ANK1: variants seen among roughly 807,000 people sequenced by gnomAD.
The protein encoded by ANK1 is ankyrin 1.
A neutral mutation model predicts 210.4 loss-of-function variants in ANK1; 51 were observed. That is an observed-to-expected ratio of 0.24 (90% confidence interval 0.19 to 0.31). The LOEUF (loss-of-function observed/expected upper bound fraction) is 0.31. Among genes scored for constraint, ANK1 ranks in the 10% least tolerant of loss-of-function variants. ANK1 has a pLI of 1.00. For missense variants in ANK1, 2,051 were observed against 2,504.4 expected (o/e 0.82, Z 3.86); for synonymous variants, 967 against 1,025.9 (o/e 0.94, Z 1.10).
At chr8:41,738,350 C>A (rs181651241) in intron 2 of ANK1, among the ~76,000 whole-genome samples, 4 of 152,166 alleles carry the variant, frequency 2.6e-5, no homozygotes, top group African/African-American at 9.7e-5. Flanking sequence ...GGTCTTAGTA[C>A]GTAGATGGCT....
intron 1 of ANK1, among the ~76,000 whole-genome samples, chr8:41,792,322 C>T (rs1343398525): frequency 2.0e-5 from 3 of 152,316 alleles, no homozygotes; most frequent in Middle Eastern, 3.4e-3. Flanking sequence ...TGAGAAACCT[C>T]GTCCGGCAGG....
At chr8:41,759,199 C>T (rs1454785165) in intron 1 of ANK1, among the ~76,000 whole-genome samples, 1 of 152,066 alleles carries the variant, frequency 6.6e-6, no homozygotes, top group Non-Finnish European at 1.5e-5. Context: ...AATAACAATA[C>T]TAAAATAAAA....
chr8:41,760,797 A>G (rs1840212865), intron 1 of ANK1, among the ~76,000 whole-genome samples: 1 of 152,180 alleles, frequency 6.6e-6, no homozygotes, highest in African/African-American at 2.4e-5. Flanking sequence ...GAGTGGTCAT[A>G]TGACAAGCCA....
At chr8:41,845,610 C>T (rs2150807927) in intron 1 of ANK1, among the ~76,000 whole-genome samples, 1 of 152,104 alleles carries the variant, frequency 6.6e-6, no homozygotes, top group South Asian at 2.1e-4. Context: ...TGACTCACTC[C>T]CTTCCTGCTG....
chr8:41,701,426 T>C (rs957958250), intron 22 of ANK1, 124 bp downstream of exon 22: 1 of 811,678 alleles, frequency 1.2e-6, no homozygotes, highest in Middle Eastern at 2.5e-4. Flanking sequence ...CCAGTTTCAG[T>C]GTCCATCTAT....
At chr8:41,789,997 C>T (rs1047204223) in intron 1 of ANK1, among the ~76,000 whole-genome samples, 1 of 152,168 alleles carries the variant, frequency 6.6e-6, no homozygotes, top group African/African-American at 2.4e-5. Context: ...CTGGATGACA[C>T]GTTTGTGAAG....
intron 2 of ANK1, among the ~76,000 whole-genome samples, chr8:41,736,467 C>T (rs531045996): frequency 1.3e-5 from 2 of 152,338 alleles, no homozygotes; most frequent in South Asian, 2.1e-4. Flanking sequence ...GTGCTGACAG[C>T]GGATGCCCTG....
chr8:41,803,167 AAGAG>A (rs1048992535), intron 1 of ANK1, among the ~76,000 whole-genome samples: 7 of 150,012 alleles, frequency 4.7e-5, no homozygotes, highest in Non-Finnish European at 7.4e-5. Context: ...AAAAGAGAAA[AAGAG>A]AGGGAGGGAG....
rs571717279 is a variant in ANK1 at position 41,682,707 on chromosome 8, T to G, written c.4537+1837A>C. Among the ~76,000 whole-genome samples, 5 of 152,332 alleles carry G rather than the reference T, an allele frequency of 3.3e-5. No homozygotes were observed. In the South Asian group the frequency reaches 1.0e-3, roughly 32 times the overall value. On this transcript the variant is annotated intron_variant, in intron 37 of 42. Coordinates refer to ENST00000289734, the MANE Select transcript of ANK1 (RefSeq NM_000037.4). ...AGATGCTCACAGATGCCCAGGTCTGTAACTGTGAATATTCACACTCATGTG... is the reference window on the plus strand; with the variant it reads ...AGATGCTCACAGATGCCCAGGTCTGGAACTGTGAATATTCACACTCATGTG...
intron 15 of ANK1, 148 bp downstream of exon 15, chr8:41,714,828 C>G (rs919355839): frequency 1.7e-5 from 14 of 830,502 alleles, no homozygotes; most frequent in Non-Finnish European, 2.4e-5. Context: ...CCACTGCACT[C>G]CAGCCTGGGC....
intron 13 of ANK1, among the ~76,000 whole-genome samples, chr8:41,716,481 C>T (rs1158006835): frequency 6.6e-6 from 1 of 152,090 alleles, no homozygotes; most frequent in African/African-American, 2.4e-5. Context: ...GAGAACCCAT[C>T]GTGGCCTGTG....
intron 1 of ANK1, among the ~76,000 whole-genome samples, chr8:41,774,771 A>T (rs1238017787): frequency 6.6e-6 from 1 of 152,264 alleles, no homozygotes. Context: ...GCCGCAGAGC[A>T]TGCCACATTT....
chr8:41,785,843 G>A lies in ANK1; in HGVS notation c.27+11669C>T, dbSNP rs141327292. On this transcript the variant is annotated intron_variant, in intron 1 of 42. Transcript: ENST00000289734. ...GCTTTCCAGACCCTTTAAACACCCT[G>A]GCGGAGCCTTGCTCGGCCCTTCTGG... Among the ~76,000 whole-genome samples the A allele has an allele frequency of 9.2e-5, 14 of 152,300 alleles. No homozygotes were observed. The East Asian group carries it at 2.3e-3, about 25-fold the overall frequency.
chr8:41,790,410 G>C (rs148114680), intron 1 of ANK1, among the ~76,000 whole-genome samples: 1 of 152,118 alleles, frequency 6.6e-6, no homozygotes, highest in Non-Finnish European at 1.5e-5. Context: ...GCCTCCCAAA[G>C]TGCTGGGATT....
chr8:41,728,054 G>A (rs1831177971), intron 3 of ANK1, 48 bp from the exon 4 acceptor site: 2 of 1,585,478 alleles, frequency 1.3e-6, no homozygotes, highest in South Asian at 1.1e-5. Flanking sequence ...CACTGGGCCC[G>A]CTACGGGACC....
At chr8:41,831,914 G>A (rs761396573) in intron 1 of ANK1, among the ~76,000 whole-genome samples, 31 of 152,238 alleles carry the variant, frequency 2.0e-4, no homozygotes, top group African/African-American at 6.0e-4. Context: ...GCTGCTACAC[G>A]GATGCAAGGC....
intron 1 of ANK1, among the ~76,000 whole-genome samples, chr8:41,808,763 T>G (rs1851350502): frequency 6.6e-6 from 1 of 152,204 alleles, no homozygotes; most frequent in South Asian, 2.1e-4. Flanking sequence ...TTCCTAAATT[T>G]TTTTTGCTAA....
chr8:41,790,663 G>A (rs11995745), intron 1 of ANK1, among the ~76,000 whole-genome samples: 16,764 of 151,814 alleles, frequency 0.11, 1,598 homozygotes, highest in African/African-American at 0.26. Context: ...TGTACAACTC[G>A]AGATCCTATT....
intron 1 of ANK1, among the ~76,000 whole-genome samples, chr8:41,790,147 T>G (rs1847331927): frequency 6.6e-6 from 1 of 151,178 alleles, no homozygotes; most frequent in Admixed American, 6.6e-5. Flanking sequence ...AAGGAATCTT[T>G]TTTTTTTTTT....
Sources: allele counts gnomAD v4.1 joint callset (sites outside exome capture counted in the v4.1 genomes callset), GRCh38; gene constraint gnomAD v4.1.1; transcripts MANE v1.5; gene names NCBI Gene and HGNC (gene_info 2026-07-23, HGNC 2026-07-21).